FGF14: variants seen among roughly 807,000 people sequenced by gnomAD.
FGF14 encodes fibroblast growth factor homologous factor 4.
FGF14 carries 5 observed loss-of-function variants against 25.5 expected under a neutral mutation model. The observed-to-expected ratio is 0.20, with a 90% confidence interval of 0.10 to 0.41. The LOEUF is 0.41. FGF14 is among the 10% of genes least tolerant of loss of function. The pLI is 1.00. For missense variants in FGF14, 222 were observed against 320.1 expected, an observed-to-expected ratio of 0.69 and a Z score of 2.34; for synonymous variants, 138 against 118.3, an observed-to-expected ratio of 1.17 and a Z score of -1.08.
In FGF14 at chr13:101,849,295, C is replaced by T. The variant is rs200660832; in HGVS notation, c.408+19430G>A. On this transcript the variant is annotated intron_variant, in intron 3 of 4. Coordinates refer to ENST00000376143, the MANE Select transcript of FGF14 (RefSeq NM_004115.4). ...GGGACACAAAATCACCGTAAGCGAC[C>T]GGAAACCAAATGCTTACAAATAACA... Among the ~76,000 whole-genome samples, 11 of 152,090 alleles carry T rather than the reference C, an allele frequency of 7.2e-5. No individual in the cohort carries two copies. The East Asian group carries it at 1.6e-3, about 21-fold the overall frequency.
intron 3 of FGF14, among the ~76,000 whole-genome samples, chr13:101,833,576 T>A (rs1024469586): frequency 2.0e-4 from 30 of 152,168 alleles, no homozygotes; most frequent in Non-Finnish European, 3.2e-4. Context: ...CTACATTTTT[T>A]AAAGGACTAT....
chr13:101,835,691 A>AAGTG (rs2140298435), intron 3 of FGF14, among the ~76,000 whole-genome samples: 1 of 152,102 alleles, frequency 6.6e-6, no homozygotes, highest in East Asian at 2.0e-4. Flanking sequence ...TCTGTGAGTA[A>AAGTG]AGTGGAGACA....
At chr13:101,826,441 C>T (rs1235233802) in intron 3 of FGF14, among the ~76,000 whole-genome samples, 1 of 151,948 alleles carries the variant, frequency 6.6e-6, no homozygotes, top group African/African-American at 2.4e-5. Context: ...AAATAGCTAT[C>T]CCAGTTAAAT....
Position 101,716,897 on chromosome 13 carries a change from T to C in FGF14, c.*5934A>G, listed in dbSNP as rs1451982782. 1 of 152,200 alleles carries C rather than the reference T, an allele frequency of 6.6e-6. No homozygotes were observed. The highest frequency in any genetic ancestry group is 1.5e-5 in the Non-Finnish European group (1 of 67,992). 9.4% of individuals were successfully genotyped at this position (152,200 alleles called of 1,614,324 possible). A position where few individuals can be genotyped will look rare whatever the true frequency, so the allele number is the denominator to read the frequency against. On this transcript the variant is annotated 3_prime_UTR_variant, in exon 5 of 5. Transcript: ENST00000376143. ...CTTAATGGTGAAACTTTGCTTTGTA[T>C]GAAATTCACATTGAATTATGAAAGT... is the stretch of plus-strand genomic sequence containing the variant.
At chr13:102,347,050 G>A (rs537518163) in intron 1 of FGF14, among the ~76,000 whole-genome samples, 58 of 152,240 alleles carry the variant, frequency 3.8e-4, no homozygotes, top group Non-Finnish European at 7.9e-4. Context: ...GTCCTATCAA[G>A]AAAAGCTAAG....
chr13:101,792,200 A>G (rs1037363808), intron 3 of FGF14, among the ~76,000 whole-genome samples: 1 of 152,166 alleles, frequency 6.6e-6, no homozygotes, highest in Non-Finnish European at 1.5e-5. Flanking sequence ...TGGTATAAAG[A>G]TTAACAACTA....
chr13:101,936,970 G>A (rs2035144325), intron 1 of FGF14, among the ~76,000 whole-genome samples: 1 of 152,082 alleles, frequency 6.6e-6, no homozygotes, highest in African/African-American at 2.4e-5. Flanking sequence ...TAGAGATGGG[G>A]GTGTTTGAAA....
At chr13:102,159,635 T>C (rs777370959) in intron 1 of FGF14, among the ~76,000 whole-genome samples, 20 of 152,208 alleles carry the variant, frequency 1.3e-4, no homozygotes, top group Non-Finnish European at 2.8e-4. Flanking sequence ...TGTGTGCTTA[T>C]TGCCTTATGA....
intron 1 of FGF14, among the ~76,000 whole-genome samples, chr13:102,287,033 C>T (rs59718110): frequency 1.7e-3 from 254 of 151,814 alleles, no homozygotes; most frequent in African/African-American, 5.7e-3. Flanking sequence ...ATGTAAATGA[C>T]GAGTTAATGG....
rs557668017 is a variant in FGF14 at position 102,311,696 on chromosome 13, G to A, written c.208+89775C>T. 1.8e-4 allele frequency among the ~76,000 whole-genome samples: 27 copies of A among 152,250 alleles called. No individual in the cohort carries two copies. The South Asian group carries it at 5.4e-3, about 30-fold the overall frequency. ...GCGTGTAACACAGGATATTTGAAAC[G>A]AACAAAGAACTGAGCTATTTTAAAG... On this transcript the variant is annotated intron_variant, in intron 1 of 4. Transcript: ENST00000376131.
At chr13:102,083,754 ACTTT>A (rs1490026800) in intron 1 of FGF14, among the ~76,000 whole-genome samples, 11 of 152,344 alleles carry the variant, frequency 7.2e-5, no homozygotes, top group Admixed American at 5.9e-4. Flanking sequence ...CCGCGGGCAC[ACTTT>A]CTTGTGCTCT....
intron 3 of FGF14, among the ~76,000 whole-genome samples, chr13:101,834,273 C>A (rs1246600190): frequency 6.7e-6 from 1 of 150,026 alleles, no homozygotes; most frequent in Non-Finnish European, 1.5e-5. Context: ...GTACTTTGCA[C>A]ATTTGCATCA....
At chr13:102,053,629 A>C (rs551093632) in intron 1 of FGF14, among the ~76,000 whole-genome samples, 1 of 152,266 alleles carries the variant, frequency 6.6e-6, no homozygotes, top group East Asian at 1.9e-4. Flanking sequence ...AAAATAAGAA[A>C]GCTTTCTAAG....
At chr13:102,345,059 C>T (rs1033793400) in intron 1 of FGF14, among the ~76,000 whole-genome samples, 2 of 152,134 alleles carry the variant, frequency 1.3e-5, no homozygotes, top group Admixed American at 1.3e-4. Flanking sequence ...TGTAATACAA[C>T]CTCTGGTTTA....
intron 1 of FGF14, among the ~76,000 whole-genome samples, chr13:102,398,002 G>A (rs2139277770): frequency 7.4e-6 from 1 of 135,656 alleles, no homozygotes; most frequent in East Asian, 2.3e-4. Flanking sequence ...TAGGAAAGTA[G>A]GACATTTAAG....
At chr13:101,986,938 G>GCACACA (rs3064731) in intron 1 of FGF14, among the ~76,000 whole-genome samples, 8 of 148,026 alleles carry the variant, frequency 5.4e-5, no homozygotes, top group East Asian at 2.0e-4. Flanking sequence ...GTATGTGCAT[G>GCACACA]CACACACACA....
At position 102,030,526 on chromosome 13, in the gene FGF14, C is replaced by T. The variant is rs116263807; in HGVS notation, c.209-155230G>A. 7.3e-3 allele frequency among the ~76,000 whole-genome samples: 1,116 copies of T among 152,096 alleles called. 7 individuals are homozygous for T. The highest frequency in any genetic ancestry group is 0.023 in the African/African-American group (956 of 41,528). On this transcript the variant is annotated intron_variant, in intron 1 of 4. Coordinates refer to the FGF14 transcript ENST00000376131. ...GAAAGAAGACTGAAACAAATACATT[C>T]GGGGGAAAGATTTGCATAAACATCA...
chr13:102,018,728 C>T (rs1204033419), intron 1 of FGF14, among the ~76,000 whole-genome samples: 1 of 152,080 alleles, frequency 6.6e-6, no homozygotes, highest in Non-Finnish European at 1.5e-5. Context: ...GCTCCTCTAG[C>T]TCAGAAAACT....
At chr13:102,371,565 C>T (rs577159900) in intron 1 of FGF14, among the ~76,000 whole-genome samples, 2 of 152,166 alleles carry the variant, frequency 1.3e-5, no homozygotes, top group East Asian at 1.9e-4. Context: ...TGTCACGTTG[C>T]ATTATAATGT....
Sources: allele counts gnomAD v4.1 joint callset (sites outside exome capture counted in the v4.1 genomes callset), GRCh38; gene constraint gnomAD v4.1.1; transcripts MANE v1.5; gene names NCBI Gene and HGNC (gene_info 2026-07-23, HGNC 2026-07-21).